Variants in DHX15 observed in about 807,000 individuals in gnomAD.
The protein encoded by DHX15 is DEAH-box helicase 15, also known as ATP-dependent RNA helicase DHX15.
Under a neutral mutation model 94.4 loss-of-function variants are expected in DHX15, and 11 were observed. The ratio of observed to expected loss-of-function variants is 0.12; its 90% CI spans 0.07 to 0.19. The LOEUF (loss-of-function observed/expected upper bound fraction) is 0.19. Among genes scored for constraint, DHX15 ranks in the 10% least tolerant of loss-of-function variants. The probability of loss-of-function intolerance (pLI) is 1.00; values close to 1 mark genes in which losing one functional copy is unlikely to be tolerated. For missense variants in DHX15, 304 were observed against 988.5 expected, an observed-to-expected ratio of 0.31 and a Z score of 9.29; for synonymous variants, 338 against 329.9, an observed-to-expected ratio of 1.02 and a Z score of -0.27.
chr4:24,563,283 T>C (rs995036647), intron 3 of DHX15: 6 of 152,130 alleles, frequency 3.9e-5, no homozygotes, highest in Admixed American at 6.6e-5. Context: ...ACCTGCTCAT[T>C]TTCCAACCTG....
chr4:24,529,322 A>G (rs1224815762), intron 13 of DHX15, among the ~76,000 whole-genome samples: 2 of 152,042 alleles, frequency 1.3e-5, no homozygotes, highest in Admixed American at 1.3e-4. Context: ...TACAGGTGTG[A>G]GCCACCATGC....
intron 4 of DHX15, among the ~76,000 whole-genome samples, chr4:24,555,264 A>G (rs1721704285): frequency 6.6e-6 from 1 of 151,810 alleles, no homozygotes; most frequent in African/African-American, 2.4e-5. Context: ...TATTGCTACC[A>G]TTATTAAAAC....
intron 6 of DHX15, among the ~76,000 whole-genome samples, chr4:24,547,885 CT>C: frequency 8.2e-5 from 1 of 12,210 alleles, no homozygotes; most frequent in East Asian, 3.1e-3. Context: ...CTCTCTCTCT[CT>C]CTCTATGTAT....
intron 1 of DHX15, among the ~76,000 whole-genome samples, chr4:24,580,428 A>G (rs939062571): frequency 1.4e-4 from 21 of 152,122 alleles, no homozygotes; most frequent in Middle Eastern, 3.4e-3. Context: ...AAAATTCTAC[A>G]TGGAATAATA....
rs145630481 is a variant in DHX15, at chr4:24,567,638, G to A, written c.701+3016C>T. On this transcript the variant is annotated intron_variant, in intron 3 of 13. Transcript: ENST00000336812. The stretch of plus-strand genomic sequence containing the variant: ...TGCTTCTTAAAATCCACTGCAAAAG[G>A]GCTACACCAGAAGCCAACAACCTCT... Among the ~76,000 whole-genome samples, 177 of 151,374 alleles carry A rather than the reference G, an allele frequency of 1.2e-3. 1 individual carries two copies. Among genetic ancestry groups the A allele is most frequent in the Middle Eastern group, 7.0e-3 (2 of 286 alleles).
chr4:24,547,865 C>G (rs1175669628), intron 6 of DHX15, among the ~76,000 whole-genome samples: 1 of 828 alleles, frequency 1.2e-3, no homozygotes, highest in South Asian at 0.062. Context: ...ATATATGTCT[C>G]TCTCTCTCTC....
chr4:24,543,807 C>A (rs1250662661), intron 6 of DHX15, among the ~76,000 whole-genome samples: 12 of 151,916 alleles, frequency 7.9e-5, no homozygotes, highest in Non-Finnish European at 2.9e-5. Context: ...GGGGATTCCT[C>A]ATTAGTATTT....
intron 1 of DHX15, among the ~76,000 whole-genome samples, chr4:24,581,350 T>C (rs1192592329): frequency 6.6e-6 from 1 of 152,138 alleles, no homozygotes; most frequent in Admixed American, 6.5e-5. Context: ...TTTAAAAGCG[T>C]AATGTGTACC....
intron 6 of DHX15, among the ~76,000 whole-genome samples, chr4:24,547,903 GTATATATATATATA>G (rs869194543): frequency 0.03 from 2,112 of 70,718 alleles, 82 homozygotes; most frequent in African/African-American, 0.041. Flanking sequence ...GTATGTATGT[GTATATATATATATA>G]TATATATATA....
chr4:24,540,663 C>T (rs960321784), intron 9 of DHX15, among the ~76,000 whole-genome samples, 177 bp downstream of exon 9: 1 of 151,338 alleles, frequency 6.6e-6, no homozygotes, highest in Non-Finnish European at 1.5e-5. Flanking sequence ...AAAAAATGTG[C>T]TCATATAACT....
intron 3 of DHX15, among the ~76,000 whole-genome samples, chr4:24,560,813 A>G (rs1427523650): frequency 6.6e-6 from 1 of 152,236 alleles, no homozygotes; most frequent in Admixed American, 6.5e-5. Flanking sequence ...TTCCAAAAAG[A>G]AATACAAATG....
At chr4:24,580,329 C>T (rs951171057) in intron 1 of DHX15, among the ~76,000 whole-genome samples, 1 of 152,032 alleles carries the variant, frequency 6.6e-6, no homozygotes, top group African/African-American at 2.4e-5. Flanking sequence ...ATCACTTGAG[C>T]CCTGGAATTT....
At chr4:24,556,996 T>G (rs989780579) in intron 3 of DHX15, among the ~76,000 whole-genome samples, 16 of 152,058 alleles carry the variant, frequency 1.1e-4, no homozygotes, top group African/African-American at 3.9e-4. Context: ...AGGGGCAGCA[T>G]CAACACTAAA....
At chr4:24,583,889 C>T (rs1722539146) in intron 1 of DHX15, among the ~76,000 whole-genome samples, 1 of 152,192 alleles carries the variant, frequency 6.6e-6, no homozygotes, top group Non-Finnish European at 1.5e-5. Context: ...GCCCTCCCCA[C>T]GGCCCCTCTG....
chr4:24,556,679 C>T (rs376922978), intron 3 of DHX15, among the ~76,000 whole-genome samples: 36 of 152,240 alleles, frequency 2.4e-4, no homozygotes, highest in African/African-American at 8.4e-4. Context: ...AATTATGGAA[C>T]ATAATGATCA....
chr4:24,541,656 T>G (rs764837438), intron 8 of DHX15, among the ~76,000 whole-genome samples: 7 of 152,090 alleles, frequency 4.6e-5, no homozygotes, highest in African/African-American at 1.4e-4. Context: ...ATTCCAGTTT[T>G]TAGGCGTGGG....
rs368645569 is a variant in DHX15, at chr4:24,527,705, T to C, written c.*219A>G. 3.5e-5 allele frequency: 16 copies of C among 463,470 alleles called. No homozygotes were observed. Among genetic ancestry groups the C allele is most frequent in the East Asian group, 1.9e-4 (6 of 31,264 alleles). 28.7% of individuals were successfully genotyped at this position (463,470 alleles called of 1,614,324 possible). A position where few individuals can be genotyped will look rare whatever the true frequency, so the allele number is the denominator to read the frequency against. Reference sequence around the variant, plus strand: ...ACTACTTTCAATAAACTGCAAAACATTGATCGACTTTTCCAGTATGAGCTA... The same window carrying C: ...ACTACTTTCAATAAACTGCAAAACACTGATCGACTTTTCCAGTATGAGCTA... On this transcript the variant is annotated 3_prime_UTR_variant, in exon 14 of 14. Transcript: ENST00000336812.
At chr4:24,573,380 C>T (rs1011028246) in intron 2 of DHX15, among the ~76,000 whole-genome samples, 2 of 152,338 alleles carry the variant, frequency 1.3e-5, no homozygotes, top group African/African-American at 4.8e-5. Flanking sequence ...CAATGCCAAT[C>T]CTAACTCCAG....
intron 7 of DHX15, 32 bp from the exon 8 acceptor site, chr4:24,542,054 CT>C: frequency 6.5e-7 from 1 of 1,544,694 alleles, no homozygotes; most frequent in African/African-American, 1.4e-5. Context: ...AAGAGTCTTT[CT>C]TCAGTCAAAC....
Sources: allele counts gnomAD v4.1 joint callset (sites outside exome capture counted in the v4.1 genomes callset), GRCh38; gene constraint gnomAD v4.1.1; transcripts MANE v1.5; gene names NCBI Gene and HGNC (gene_info 2026-07-23, HGNC 2026-07-21).